SLC4A1AP: variants seen among roughly 807,000 people sequenced by gnomAD.
SLC4A1AP encodes kanadaptin.
A neutral mutation model predicts 89.7 loss-of-function variants in SLC4A1AP; 64 were observed. The ratio of observed to expected loss-of-function variants is 0.71; its 90% CI spans 0.58 to 0.88. The LOEUF is 0.88. Ranked by LOEUF, SLC4A1AP falls within the 40% of genes least tolerant of loss-of-function variation. The probability of loss-of-function intolerance (pLI) is 0.00; values close to 1 mark genes in which losing one functional copy is unlikely to be tolerated. For missense variants in SLC4A1AP, 931 were observed against 965.0 expected (o/e 0.96, Z 0.47); for synonymous variants, 366 against 353.3 (o/e 1.04, Z -0.40).
At chr2:27,673,958 A>G (rs1469783845) in intron 5 of SLC4A1AP, among the ~76,000 whole-genome samples, 1 of 151,778 alleles carries the variant, frequency 6.6e-6, no homozygotes, top group Admixed American at 6.6e-5. Flanking sequence ...GTACTACCAA[A>G]GTAGACTCAG....
Position 27,667,309 on chromosome 2 carries a change from G to A in SLC4A1AP, c.1063G>A (p.Val355Ile). ...GGATGATGCTGAAGAGAACCCTATT[G>A]TCTTAGAGTTTCAGCAGGAAAGGGA... is the stretch of plus-strand genomic sequence containing the variant. Residue 355 changes from valine to isoleucine, a missense_variant, in exon 3 of 14, where the codon GTC (valine) becomes ATC (isoleucine). Physicochemically the swap from Val to Ile is conservative, Grantham distance 29. Coordinates refer to ENST00000613058, the Ensembl canonical transcript of SLC4A1AP. The A allele has an allele frequency of 1.2e-6, 2 of 1,613,650 alleles. No homozygotes were observed. Among genetic ancestry groups the A allele is most frequent in the Non-Finnish European group, 8.5e-7 (1 of 1,179,736 alleles).
In SLC4A1AP at chr2:27,694,859, A is replaced by T. The variant is rs569706980; in HGVS notation, c.*176A>T. The T allele has an allele frequency of 8.1e-4, 362 of 445,176 alleles. 1 individual carries two copies. Among genetic ancestry groups the T allele is most frequent in the African/African-American group, 6.5e-3 (323 of 49,876 alleles). The allele number at this position is 445,176 out of a possible 1,614,324, so 27.6% of individuals were successfully genotyped here. On this transcript the variant is annotated 3_prime_UTR_variant, in exon 14 of 14. Transcript: ENST00000613058. ...TTATCTGCCCATATGATTCTCATGC[A>T]TTTGATATTTATGTTTAAAAGTGTT... is the stretch of plus-strand genomic sequence containing the variant.
intron 5 of SLC4A1AP, 78 bp downstream of exon 5, chr2:27,669,465 G>C: frequency 7.5e-7 from 1 of 1,328,500 alleles, no homozygotes; most frequent in Non-Finnish European, 1.0e-6. Flanking sequence ...ACTTCTTTAT[G>C]GGGGGAAAAT....
intron 5 of SLC4A1AP, 24 bp downstream of exon 5, chr2:27,669,411 T>C: frequency 6.9e-7 from 1 of 1,454,064 alleles, no homozygotes; most frequent in East Asian, 2.5e-5. Flanking sequence ...AGCCCTTTTT[T>C]TCTAGATTTA....
chr2:27,664,641 G>A, intron 1 of SLC4A1AP, 64 bp downstream of exon 1: 2 of 1,269,172 alleles, frequency 1.6e-6, no homozygotes, highest in Non-Finnish European at 2.2e-6. Context: ...TGCTTCTTAA[G>A]CTTTGGATGA....
At chr2:27,670,537 G>T (rs1474726559) in intron 5 of SLC4A1AP, among the ~76,000 whole-genome samples, 1 of 151,886 alleles carries the variant, frequency 6.6e-6, no homozygotes, top group Non-Finnish European at 1.5e-5. Flanking sequence ...AGTTTTTTCA[G>T]TTATTTATTC....
chr2:27,688,254 A>G (rs1366655090), intron 11 of SLC4A1AP, among the ~76,000 whole-genome samples: 2 of 152,114 alleles, frequency 1.3e-5, no homozygotes, highest in Non-Finnish European at 2.9e-5. Context: ...CTCCCCCACA[A>G]AGCACCTAAT....
Position 27,675,697 on chromosome 2 carries a change from G to A in SLC4A1AP, c.1506+5G>A. ...CCAGAGACCTTTGAATCATTGGCAA[G>A]TTTTATTTATGGAAGTAGCTGTGGT... On this transcript the variant is annotated splice_donor_5th_base_variant and intron_variant, in intron 6 of 13. Coordinates refer to ENST00000613058, the Ensembl canonical transcript of SLC4A1AP. 3 of 1,557,842 alleles carry A rather than the reference G, an allele frequency of 1.9e-6. No homozygotes were observed. The highest frequency in any genetic ancestry group is 2.6e-6 in the Non-Finnish European group (3 of 1,151,824).
chr2:27,685,052 C>T (rs201906693), exon 10 of SLC4A1AP: 108 of 1,604,136 alleles, frequency 6.7e-5, no homozygotes, highest in East Asian at 1.6e-4. Flanking sequence ...ACCCCCCAAG[C>T]GTCCAGAACT....
chr2:27,677,747 A>T (rs1675546867), exon 8 of SLC4A1AP: 1 of 1,599,638 alleles, frequency 6.3e-7, no homozygotes. Context: ...GTTCTATCAG[A>T]GTCTCCATCT....
intron 8 of SLC4A1AP, among the ~76,000 whole-genome samples, chr2:27,681,851 C>T (rs1032822213): frequency 4.1e-4 from 62 of 152,090 alleles, no homozygotes; most frequent in African/African-American, 1.5e-3. Flanking sequence ...AGCTATTGCG[C>T]TTAAGTGGGA....
chr2:27,669,385 C>A (rs1675385078), exon 5 of SLC4A1AP: 1 of 1,608,140 alleles, frequency 6.2e-7, no homozygotes, highest in African/African-American at 1.3e-5. Context: ...CGGCAGGAAG[C>A]AGGTCAGTAT....
At chr2:27,663,965 T>C (rs1363438608) in exon 1 of SLC4A1AP, 2 of 1,614,040 alleles carry the variant, frequency 1.2e-6, no homozygotes, top group African/African-American at 1.3e-5. Flanking sequence ...AAGACCTCAG[T>C]GGGGACTTCA....
At chr2:27,671,012 T>C (rs1369206197) in intron 5 of SLC4A1AP, among the ~76,000 whole-genome samples, 2 of 147,274 alleles carry the variant, frequency 1.4e-5, no homozygotes, top group South Asian at 4.3e-4. Flanking sequence ...CAACCTCTGC[T>C]TCTCGGGTTC....
chr2:27,668,581 C>G (rs1017463481), intron 3 of SLC4A1AP: 1 of 627,364 alleles, frequency 1.6e-6, no homozygotes, highest in Admixed American at 2.1e-5. Flanking sequence ...CCCGTAGTAG[C>G]TGGGACAAAA....
At chr2:27,669,301 C>T (rs1675382962) in exon 5 of SLC4A1AP, 2 of 1,612,950 alleles carry the variant, frequency 1.2e-6, no homozygotes, top group East Asian at 4.5e-5. Flanking sequence ...GCCATTCACT[C>T]AGGAAAGAAA....
rs369105112 is a variant in SLC4A1AP, at chr2:27,664,220, G to C, written c.468G>C (p.Glu156Asp). The change falls in exon 1 of 14, where the codon GAG becomes GAC. Residue 156 changes from glutamate to aspartate, a missense_variant. Physicochemically the swap from Glu to Asp is conservative, Grantham distance 45 (BLOSUM62 2). Transcript: ENST00000613058. Reference sequence around the variant, plus strand: ...CAGCCCGGGCTCCCCCCTACCAAGAGCCTCCATGGGGTGGCCCTGCCACAG... The same window carrying C: ...CAGCCCGGGCTCCCCCCTACCAAGACCCTCCATGGGGTGGCCCTGCCACAG... 4.3e-6 allele frequency: 7 copies of C among 1,614,118 alleles called. No homozygotes were observed. The African/African-American group carries it at 8.0e-5, about 18-fold the overall frequency.
At chr2:27,666,943 C>G (rs1243747577) in intron 2 of SLC4A1AP, among the ~76,000 whole-genome samples, 1 of 151,654 alleles carries the variant, frequency 6.6e-6, no homozygotes, top group East Asian at 1.9e-4. Context: ...TCTTGGCTCA[C>G]TACAACTTCT....
At chr2:27,673,701 T>A (rs1675468071) in intron 5 of SLC4A1AP, among the ~76,000 whole-genome samples, 2 of 152,162 alleles carry the variant, frequency 1.3e-5, no homozygotes, top group Non-Finnish European at 2.9e-5. Context: ...ATCTCTTTAC[T>A]ATGGTTTATT....
Sources: allele counts gnomAD v4.1 joint callset (sites outside exome capture counted in the v4.1 genomes callset), GRCh38; gene constraint gnomAD v4.1.1; transcripts MANE v1.5; gene names NCBI Gene and HGNC (gene_info 2026-07-23, HGNC 2026-07-21).